Variants in BMAL2 observed in about 807,000 individuals in gnomAD.
The protein encoded by BMAL2 is basic helix-loop-helix ARNT like 2.
chr12:27,348,045 C>T, the BMAL2 span, among the ~76,000 whole-genome samples: 1 of 152,174 alleles, frequency 6.6e-6, no homozygotes, highest in East Asian at 1.9e-4. Flanking sequence ...ATCCCTGGGG[C>T]TCTCTGACAC....
At chr12:27,405,183 C>G in the BMAL2 span, among the ~76,000 whole-genome samples, 1 of 152,160 alleles carries the variant, frequency 6.6e-6, no homozygotes, top group South Asian at 2.1e-4. Context: ...CAGGGCATAG[C>G]CAAACAAAAG....
At chr12:27,379,885 A>T in the BMAL2 span, among the ~76,000 whole-genome samples, 1 of 152,136 alleles carries the variant, frequency 6.6e-6, no homozygotes, top group Non-Finnish European at 1.5e-5. Flanking sequence ...TGAGGTTAAG[A>T]TGCTGACAAC....
the BMAL2 span, among the ~76,000 whole-genome samples, chr12:27,343,055 A>G: frequency 6.6e-6 from 1 of 152,142 alleles, no homozygotes; most frequent in Admixed American, 6.5e-5. Flanking sequence ...TTTAGAAATA[A>G]TTTTCTTTCG....
chr12:27,376,828 G>A, the BMAL2 span, among the ~76,000 whole-genome samples: 6 of 151,584 alleles, frequency 4.0e-5, no homozygotes, highest in East Asian at 3.9e-4. Context: ...GTGAAACCCC[G>A]TCTCTACTAA....
the BMAL2 span, chr12:27,401,605 A>G: frequency 1.2e-6 from 2 of 1,611,844 alleles, no homozygotes; most frequent in Admixed American, 1.7e-5. Flanking sequence ...TTAAAAAGCC[A>G]ATGGTTTAGT....
chr12:27,420,445 A>G, the BMAL2 span: 1 of 1,613,844 alleles, frequency 6.2e-7, no homozygotes, highest in African/African-American at 1.3e-5. Flanking sequence ...ATGATGACAC[A>G]GCCATGGCTG....
At chr12:27,374,359 A>G in the BMAL2 span, among the ~76,000 whole-genome samples, 1 of 152,184 alleles carries the variant, frequency 6.6e-6, no homozygotes, top group African/African-American at 2.4e-5. Flanking sequence ...AACAATTTAC[A>G]TAGCATTTAC....
At chr12:27,421,774 A>G in the BMAL2 span, 1 of 152,220 alleles carries the variant, frequency 6.6e-6, no homozygotes. Context: ...AAAGTCACAC[A>G]TTAAATTCAG....
the BMAL2 span, chr12:27,420,800 C>T: frequency 3.3e-6 from 1 of 303,628 alleles, no homozygotes; most frequent in African/African-American, 2.2e-5. Flanking sequence ...ATATTTCTAA[C>T]CAAGAATACT....
At chr12:27,334,775 G>A in the BMAL2 span, among the ~76,000 whole-genome samples, 2 of 152,178 alleles carry the variant, frequency 1.3e-5, no homozygotes, top group Admixed American at 6.5e-5. Flanking sequence ...GTTTCTGTGC[G>A]GGCTGGGAGA....
the BMAL2 span, among the ~76,000 whole-genome samples, chr12:27,384,365 A>G: frequency 6.6e-6 from 1 of 152,146 alleles, no homozygotes; most frequent in Admixed American, 6.5e-5. Context: ...TAATTATTTC[A>G]TTTATATTTT....
chr12:27,368,315 G>T, the BMAL2 span: 2 of 1,614,126 alleles, frequency 1.2e-6, no homozygotes, highest in Non-Finnish European at 8.5e-7. Flanking sequence ...TTCCAGCCGC[G>T]TGAGTCCAGG....
At chr12:27,381,267 GTA>G in the BMAL2 span, among the ~76,000 whole-genome samples, 2 of 152,182 alleles carry the variant, frequency 1.3e-5, no homozygotes, top group Non-Finnish European at 2.9e-5. Context: ...TGTAATAAAT[GTA>G]TATGTGTACC....
the BMAL2 span, among the ~76,000 whole-genome samples, chr12:27,349,077 C>T: frequency 0.39 from 59,599 of 151,900 alleles, 12,298 homozygotes; most frequent in Admixed American, 0.49. Flanking sequence ...GAATTCCAGG[C>T]GAGGAGAATC....
chr12:27,405,034 G>A, the BMAL2 span, among the ~76,000 whole-genome samples: 4 of 152,288 alleles, frequency 2.6e-5, no homozygotes, highest in Non-Finnish European at 4.4e-5. Context: ...ACTGCAAGGC[G>A]GCAGCGAGGC....
At chr12:27,375,551 C>A in the BMAL2 span, among the ~76,000 whole-genome samples, 1 of 152,208 alleles carries the variant, frequency 6.6e-6, no homozygotes, top group East Asian at 1.9e-4. Context: ...GCTAAATAAT[C>A]ATTGTATGTA....
chr12:27,338,293 A>G, the BMAL2 span, among the ~76,000 whole-genome samples: 1 of 152,220 alleles, frequency 6.6e-6, no homozygotes, highest in African/African-American at 2.4e-5. Flanking sequence ...TGCAGCCAAA[A>G]TATTTGTAAT....
the BMAL2 span, chr12:27,403,562 A>G: frequency 7.0e-7 from 1 of 1,429,024 alleles, no homozygotes. Flanking sequence ...ATTGCTGCAA[A>G]TATTTTCAAA....
At chr12:27,352,853 T>C in the BMAL2 span, among the ~76,000 whole-genome samples, 1 of 152,264 alleles carries the variant, frequency 6.6e-6, no homozygotes, top group Non-Finnish European at 1.5e-5. Flanking sequence ...AAATAATACC[T>C]AGGAATACAG....
Sources: allele counts gnomAD v4.1 joint callset (sites outside exome capture counted in the v4.1 genomes callset), GRCh38; gene constraint gnomAD v4.1.1; transcripts MANE v1.5; gene names NCBI Gene and HGNC (gene_info 2026-07-23, HGNC 2026-07-21).